SARS1: variants seen among roughly 807,000 people sequenced by gnomAD.
SARS1 encodes the protein serine--tRNA ligase, cytoplasmic.
A neutral mutation model predicts 63.7 loss-of-function variants in SARS1; 25 were observed. The ratio of observed to expected loss-of-function variants is 0.39; its 90% CI spans 0.29 to 0.55. The LOEUF (loss-of-function observed/expected upper bound fraction) is 0.55. Among genes scored for constraint, SARS1 ranks in the 20% least tolerant of loss-of-function variants. SARS1 has a pLI of 0.62. For missense variants in SARS1, 417 were observed against 649.7 expected (o/e 0.64, Z 3.89); for synonymous variants, 231 against 243.5 (o/e 0.95, Z 0.48).
chr1:109,216,035 G>C (rs1233547894), intron 1 of SARS1: 1 of 985,158 alleles, frequency 1.0e-6, no homozygotes, highest in Admixed American at 6.2e-5. Context: ...CTATTAATTT[G>C]ATTCTTTTCT....
At chr1:109,219,605 C>T (rs138397931) in intron 1 of SARS1, among the ~76,000 whole-genome samples, 2,588 of 151,698 alleles carry the variant, frequency 0.017, 81 homozygotes, top group African/African-American at 0.059. Context: ...CTCCGCCTCC[C>T]GGGCTCACAC....
In SARS1 at chr1:109,230,921, T is replaced by C; in HGVS notation, c.491T>C (p.Val164Ala). The part of the protein sequence containing the change: ...KVERIWGDCT[V>A]RKKYSHVDLV... ...GAGAGGATTTGGGGTGATTGTACAG[T>C]CAGGAAGAAGTACTCTCATGTGGAC... Residue 164 changes from valine to alanine, a missense_variant, in exon 5 of 11, where the codon GTC becomes GCC. Val to Ala is a moderately conservative substitution (Grantham distance 64). This residue lies in a region of SARS1 where 359 missense variants were observed against 529.6 expected (regional missense o/e 0.68). Transcript: ENST00000234677. 6.2e-7 allele frequency: 1 copy of C among 1,602,772 alleles called. No individual in the cohort carries two copies. Among genetic ancestry groups the C allele is most frequent in the Admixed American group, 1.7e-5 (1 of 59,062 alleles).
intron 6 of SARS1, among the ~76,000 whole-genome samples, chr1:109,233,631 A>G (rs1347617785): frequency 6.6e-6 from 1 of 152,022 alleles, no homozygotes; most frequent in Non-Finnish European, 1.5e-5. Flanking sequence ...TTGTTTTCAC[A>G]TACTTATAAT....
Position 109,237,909 on chromosome 1 carries a change from G to A in SARS1, c.*21G>A. 6.2e-7 allele frequency: 1 copy of A among 1,612,744 alleles called. No homozygotes were observed. ...CTTGAACATTCCTGCCTCCCTATTT[G>A]CCAGGCTTTCATTTCTGTCTGCTGA... On this transcript the variant is annotated 3_prime_UTR_variant, in exon 11 of 11. Coordinates refer to ENST00000234677, the MANE Select transcript of SARS1 (RefSeq NM_006513.4). The surrounding 1 kb of genome is among the most constrained non-coding windows in gnomAD (Gnocchi z 4.1).
At position 109,238,003 on chromosome 1, in the gene SARS1, G is replaced by A. The variant is rs1026411800; in HGVS notation, c.*115G>A. The A allele has an allele frequency of 1.7e-5, 20 of 1,168,742 alleles. No homozygotes were observed. Among genetic ancestry groups the A allele is most frequent in the Admixed American group, 6.8e-5 (3 of 44,188 alleles). 72.4% of individuals were successfully genotyped at this position (1,168,742 alleles called of 1,614,324 possible). A position where few individuals can be genotyped will look rare whatever the true frequency, so the allele number is the denominator to read the frequency against. ...CATCCCCCTGCCCCCATCTGACTGCGTAGCTGAGAGGGGAACAGTGCCATG... is the reference window on the plus strand; with the variant it reads ...CATCCCCCTGCCCCCATCTGACTGCATAGCTGAGAGGGGAACAGTGCCATG... On this transcript the variant is annotated 3_prime_UTR_variant, in exon 11 of 11. Transcript: ENST00000234677.
intron 8 of SARS1, 61 bp downstream of exon 8, chr1:109,236,167 A>G (rs147500098): frequency 1.3e-6 from 2 of 1,559,192 alleles, no homozygotes; most frequent in Middle Eastern, 1.7e-4. Flanking sequence ...CACCCTTACC[A>G]GCTGAGCTGC....
intron 1 of SARS1, chr1:109,215,973 G>T (rs1213781003): frequency 1.1e-6 from 1 of 942,428 alleles, no homozygotes; most frequent in Non-Finnish European, 1.3e-6. Flanking sequence ...CAAAGTGCTG[G>T]GATTACAGGT....
In SARS1 at chr1:109,214,893, C is replaced by A. The variant is rs1654749783; in HGVS notation, c.136+765C>A. 1.0e-6 allele frequency: 1 copy of A among 985,224 alleles called. No homozygotes were observed. Among genetic ancestry groups the A allele is most frequent in the African/African-American group, 1.7e-5 (1 of 57,156 alleles). 61.0% of individuals were successfully genotyped at this position (985,224 alleles called of 1,614,324 possible). A position where few individuals can be genotyped will look rare whatever the true frequency, so the allele number is the denominator to read the frequency against. ...GTCATATCGGGCATCTATCATGAAG[C>A]CGAATAAAACCATAGAACCATCTGC... On this transcript the variant is annotated intron_variant, in intron 1 of 10. Transcript: ENST00000234677. The surrounding 1 kb of genome is among the most constrained non-coding windows in gnomAD (Gnocchi z 4.6).
chr1:109,232,754 T>TTTTC (rs1655234346), intron 6 of SARS1, among the ~76,000 whole-genome samples: 1 of 152,218 alleles, frequency 6.6e-6, no homozygotes, highest in South Asian at 2.1e-4. Flanking sequence ...CTGTTTTACC[T>TTTTC]TTTCTTTCTT....
At chr1:109,215,039 C>T (rs1654753208) in intron 1 of SARS1, 3 of 985,338 alleles carry the variant, frequency 3.0e-6, no homozygotes, top group Admixed American at 6.1e-5. Flanking sequence ...AGGTCGATGA[C>T]AGTACACTGC....
rs1379964616 is a variant in SARS1 at position 109,228,423 on chromosome 1, C to T, written c.279C>T (p.Asp93=). 20 of 1,606,996 alleles carry T rather than the reference C, an allele frequency of 1.2e-5. No homozygotes were observed. Among genetic ancestry groups the T allele is most frequent in the Middle Eastern group, 1.6e-4 (1 of 6,074 alleles). The change falls in exon 3 of 11, where the codon GAC becomes GAT. Residue 93 remains aspartate (D), a synonymous_variant. Coordinates refer to ENST00000234677, the MANE Select transcript of SARS1 (RefSeq NM_006513.4). ...NVLSFDDLTA[D]ALANLKVSQI... ...TGAGTTTCGATGACCTTACTGCAGA[C>T]GCTTTAGCTGTAAGTTATAGTTCTT...
intron 2 of SARS1, among the ~76,000 whole-genome samples, chr1:109,226,341 G>A (rs1655068601): frequency 6.7e-6 from 1 of 148,236 alleles, no homozygotes; most frequent in African/African-American, 2.5e-5. Context: ...AGGAGATTTA[G>A]TCCTTTTGTT....
intron 1 of SARS1, among the ~76,000 whole-genome samples, chr1:109,223,344 T>C (rs930945804): frequency 4.6e-5 from 7 of 152,252 alleles, no homozygotes; most frequent in Non-Finnish European, 1.0e-4. Context: ...AGTTTTAAGA[T>C]AATTGGGCAG....
Position 109,214,839 on chromosome 1 carries a change from G to T in SARS1, c.136+711G>T, listed in dbSNP as rs1478831802. On this transcript the variant is annotated intron_variant, in intron 1 of 10. Coordinates refer to ENST00000234677, the MANE Select transcript of SARS1 (RefSeq NM_006513.4). This position sits in a 1 kb window ranked among gnomAD's most constrained non-coding sequence, Gnocchi z 4.6. ...CCTTTAAAGACATTGGCAGAGTTGG[G>T]CTAGAACCTGGAACTGCCGGATCTT... is the stretch of plus-strand genomic sequence containing the variant. 3 of 985,348 alleles carry T rather than the reference G, an allele frequency of 3.0e-6. No homozygotes were observed. Among genetic ancestry groups the T allele is most frequent in the Admixed American group, 1.2e-4 (2 of 16,272 alleles). 61.0% of individuals were successfully genotyped at this position (985,348 alleles called of 1,614,324 possible). A position where few individuals can be genotyped will look rare whatever the true frequency, so the allele number is the denominator to read the frequency against.
intron 9 of SARS1, chr1:109,236,852 C>T: frequency 6.2e-7 from 1 of 1,601,498 alleles, no homozygotes; most frequent in Non-Finnish European, 8.5e-7. Flanking sequence ...TGGAGGCTTC[C>T]CTCTTCTCAC....
In SARS1 at chr1:109,214,462, G is replaced by C; in HGVS notation, c.136+334G>C. 1 of 964,622 alleles carries C rather than the reference G, an allele frequency of 1.0e-6. No homozygotes were observed. The highest frequency in any genetic ancestry group is 3.3e-5 in the South Asian group (1 of 30,130). 59.8% of individuals were successfully genotyped at this position (964,622 alleles called of 1,614,324 possible). A position where few individuals can be genotyped will look rare whatever the true frequency, so the allele number is the denominator to read the frequency against. ...GGGCGGGAGGTTGTGGGGTCTACGC[G>C]GCTTTCCTAACACGAATCTTTGGTC... On this transcript the variant is annotated intron_variant, in intron 1 of 10. Transcript: ENST00000234677. This position sits in a 1 kb window ranked among gnomAD's most constrained non-coding sequence, Gnocchi z 4.6.
chr1:109,216,249 G>T, intron 1 of SARS1: 2 of 985,322 alleles, frequency 2.0e-6, no homozygotes, highest in Non-Finnish European at 2.4e-6. Flanking sequence ...CTCAGATCAT[G>T]CTCCCTAATT....
In SARS1 at chr1:109,236,487, C is replaced by T. The variant is rs1167910316; in HGVS notation, c.1196C>T (p.Thr399Met). 10 of 1,606,594 alleles carry T rather than the reference C, an allele frequency of 6.2e-6. No homozygotes were observed. The highest frequency in any genetic ancestry group is 4.4e-5 in the South Asian group (4 of 90,956). Reference sequence around the variant, plus strand: ...GAGTTGGTCTCCTGTTCTAATTGCACGGATTACCAGGCTCGCCGGCTTCGA... The same window carrying T: ...GAGTTGGTCTCCTGTTCTAATTGCATGGATTACCAGGCTCGCCGGCTTCGA... Reference protein sequence around the residue: ...FRELVSCSNCTDYQARRLRIR... With the variant: ...FRELVSCSNCMDYQARRLRIR... The change falls in exon 9 of 11, where the codon ACG becomes ATG. Residue 399 changes from threonine (T) to methionine (M), a missense_variant. Physicochemically the swap from Thr to Met is moderately conservative, Grantham distance 81. This residue lies in a region of SARS1 where 359 missense variants were observed against 529.6 expected (regional missense o/e 0.68). Coordinates refer to ENST00000234677, the MANE Select transcript of SARS1 (RefSeq NM_006513.4).
rs1169134989 is a variant in SARS1 at position 109,213,961 on chromosome 1, C to A, written c.-32C>A. Reference sequence around the variant, plus strand: ...GCTGAGTGCTGCGGCGCGATCCTTGCTTCCCTGAGCGTTGGCCCGGGAGGA... The same window carrying A: ...GCTGAGTGCTGCGGCGCGATCCTTGATTCCCTGAGCGTTGGCCCGGGAGGA... On this transcript the variant is annotated 5_prime_UTR_variant, in exon 1 of 11. Coordinates refer to ENST00000234677, the MANE Select transcript of SARS1 (RefSeq NM_006513.4). 2 of 1,591,464 alleles carry A rather than the reference C, an allele frequency of 1.3e-6. No individual in the cohort carries two copies. Among genetic ancestry groups the A allele is most frequent in the Non-Finnish European group, 1.7e-6 (2 of 1,167,216 alleles).
Sources: allele counts gnomAD v4.1 joint callset (sites outside exome capture counted in the v4.1 genomes callset), GRCh38; gene constraint gnomAD v4.1.1; regional missense constraint gnomAD v4.1.1; non-coding constraint Gnocchi (gnomAD v3.1); transcripts MANE v1.5; gene names NCBI Gene and HGNC (gene_info 2026-07-23, HGNC 2026-07-21).